The following NELL1 variants were observed in gnomAD, a reference collection of about 807,000 sequenced individuals.
The protein encoded by NELL1 is protein kinase C-binding protein NELL1.
Under a neutral mutation model 107.4 loss-of-function variants are expected in NELL1, and 76 were observed. The observed-to-expected ratio is 0.71, with a 90% CI of 0.59 to 0.86. The LOEUF (loss-of-function observed/expected upper bound fraction) is 0.86, where lower values mean the gene tolerates loss of function less well. Among genes scored for constraint, NELL1 ranks in the 40% least tolerant of loss-of-function variants. The pLI is 0.00. For synonymous variants in NELL1, 353 were observed against 341.2 expected (o/e 1.03, Z -0.38); for missense variants, 1,024 against 1,005.5 (o/e 1.02, Z -0.25).
At chr11:20,759,725 G>T (rs1379347131) in intron 2 of NELL1, among the ~76,000 whole-genome samples, 2 of 152,090 alleles carry the variant, frequency 1.3e-5, no homozygotes, top group Non-Finnish European at 2.9e-5. Flanking sequence ...CTCTGTCCAG[G>T]GTGCTGCGCC....
chr11:21,309,288 AT>A (rs1849689100), intron 14 of NELL1, among the ~76,000 whole-genome samples: 1 of 117,338 alleles, frequency 8.5e-6, no homozygotes, highest in Admixed American at 9.3e-5. Context: ...ATGTATATAT[AT>A]ATATATATAT....
chr11:20,816,215 CGTTG>C (rs1564920879), intron 3 of NELL1, among the ~76,000 whole-genome samples: 2 of 152,080 alleles, frequency 1.3e-5, no homozygotes, highest in Admixed American at 6.5e-5. Flanking sequence ...TTAGGAATAG[CGTTG>C]AATCTGTAGA....
chr11:20,821,952 A>G (rs1857763916), intron 3 of NELL1, among the ~76,000 whole-genome samples: 1 of 152,230 alleles, frequency 6.6e-6, no homozygotes, highest in Non-Finnish European at 1.5e-5. Flanking sequence ...CCCACTGGGT[A>G]GGCAGTAGTA....
intron 14 of NELL1, among the ~76,000 whole-genome samples, chr11:21,347,307 T>C (rs1850704671): frequency 6.6e-6 from 1 of 151,994 alleles, no homozygotes; most frequent in Non-Finnish European, 1.5e-5. Context: ...GTTTGAAGAA[T>C]AAAATCATAA....
intron 13 of NELL1, among the ~76,000 whole-genome samples, chr11:21,155,475 G>A (rs754163728): frequency 1.3e-5 from 2 of 152,148 alleles, no homozygotes; most frequent in Non-Finnish European, 2.9e-5. Context: ...TTAAGGAAAA[G>A]TATGTAGCCA....
intron 12 of NELL1, among the ~76,000 whole-genome samples, chr11:20,975,646 AATGT>A (rs1253258835): frequency 7.2e-6 from 1 of 138,644 alleles, no homozygotes; most frequent in Non-Finnish European, 1.5e-5. Flanking sequence ...TGTATTATAT[AATGT>A]ATGTATTATA....
chr11:21,464,528 T>C (rs748193857), intron 15 of NELL1, among the ~76,000 whole-genome samples: 47 of 152,136 alleles, frequency 3.1e-4, no homozygotes, highest in Non-Finnish European at 6.5e-4. Flanking sequence ...ATTATCTATC[T>C]TGATCACTTA....
chr11:21,136,542 G>A (rs914945920), intron 13 of NELL1, among the ~76,000 whole-genome samples: 1 of 152,144 alleles, frequency 6.6e-6, no homozygotes, highest in South Asian at 2.1e-4. Flanking sequence ...GTATTGTTGA[G>A]TTCAAAGAGG....
chr11:21,045,606 G>A (rs756262602), intron 12 of NELL1, among the ~76,000 whole-genome samples: 14 of 152,106 alleles, frequency 9.2e-5, no homozygotes, highest in Non-Finnish European at 1.6e-4. Flanking sequence ...CCTGTTTAAT[G>A]TACTTAATTA....
At chr11:20,674,420 A>C (rs1177989266) in intron 1 of NELL1, 6 of 1,237,428 alleles carry the variant, frequency 4.8e-6, no homozygotes, top group African/African-American at 3.0e-5. Context: ...CCGAGTCCTC[A>C]TGAGTCTGGT....
At chr11:21,443,841 G>A (rs1355490991) in intron 15 of NELL1, among the ~76,000 whole-genome samples, 1 of 149,504 alleles carries the variant, frequency 6.7e-6, no homozygotes, top group Non-Finnish European at 1.5e-5. Context: ...CCTGGAGACA[G>A]AGCGAGACTC....
intron 3 of NELL1, among the ~76,000 whole-genome samples, chr11:20,812,834 C>T (rs1175848594): frequency 3.3e-5 from 5 of 150,528 alleles, no homozygotes; most frequent in African/African-American, 1.2e-4. Context: ...CGGTGAAACC[C>T]CGTCTGTACT....
intron 13 of NELL1, among the ~76,000 whole-genome samples, chr11:21,156,937 A>G (rs548295482): frequency 3.2e-5 from 3 of 92,408 alleles, no homozygotes; most frequent in African/African-American, 1.0e-4. Context: ...TACTAAAAAT[A>G]CAAAAAAAAA....
chr11:20,928,684 TA>T (rs1850553563), intron 9 of NELL1, among the ~76,000 whole-genome samples: 2 of 152,166 alleles, frequency 1.3e-5, no homozygotes, highest in South Asian at 4.2e-4. Context: ...TTTTTTTTTT[TA>T]AATCCTCACA....
At chr11:21,097,455 C>T (rs1163738438) in intron 12 of NELL1, among the ~76,000 whole-genome samples, 3 of 152,100 alleles carry the variant, frequency 2.0e-5, no homozygotes, top group African/African-American at 4.8e-5. Flanking sequence ...TTTGTCCCTC[C>T]CTATGGGCTG....
intron 14 of NELL1, among the ~76,000 whole-genome samples, chr11:21,349,017 G>T (rs1850744279): frequency 6.6e-6 from 1 of 152,112 alleles, no homozygotes; most frequent in African/African-American, 2.4e-5. Flanking sequence ...TGAAATAACA[G>T]GAAATCAGGT....
chr11:21,368,429 C>A (rs191212693), intron 14 of NELL1, among the ~76,000 whole-genome samples: 6 of 150,230 alleles, frequency 4.0e-5, no homozygotes, highest in Admixed American at 2.7e-4. Context: ...ATAAAATAAA[C>A]CTGCCTTTGT....
At chr11:21,324,325 G>A (rs1417168056) in intron 14 of NELL1, among the ~76,000 whole-genome samples, 1 of 151,884 alleles carries the variant, frequency 6.6e-6, no homozygotes, top group Non-Finnish European at 1.5e-5. Flanking sequence ...GCATCTCTTT[G>A]GGCCTTTCAT....
chr11:20,674,409 C>T (rs891372622), intron 1 of NELL1: 1 of 1,112,152 alleles, frequency 9.0e-7, no homozygotes, highest in Admixed American at 2.0e-5. Context: ...ATATAGTTTC[C>T]CCGAGTCCTC....
Sources: allele counts gnomAD v4.1 joint callset (sites outside exome capture counted in the v4.1 genomes callset), GRCh38; gene constraint gnomAD v4.1.1; transcripts MANE v1.5; gene names NCBI Gene and HGNC (gene_info 2026-07-23, HGNC 2026-07-21).